KCNK13: variants seen among roughly 807,000 people sequenced by gnomAD.
The protein encoded by KCNK13 is potassium two pore domain channel subfamily K member 13.
A neutral mutation model predicts 23.4 loss-of-function variants in KCNK13; 12 were observed. The ratio of observed to expected loss-of-function variants is 0.51; its 90% CI spans 0.33 to 0.83. KCNK13 has a LOEUF of 0.83. KCNK13 is among the 40% of genes least tolerant of loss of function. The pLI, the probability that KCNK13 is intolerant of heterozygous loss-of-function variation, is 0.02. For missense variants in KCNK13, 463 were observed against 556.3 expected (o/e 0.83, Z 1.69); for synonymous variants, 231 against 229.5 (o/e 1.01, Z -0.06).
intron 1 of KCNK13, among the ~76,000 whole-genome samples, chr14:90,076,389 A>G (rs1449510434): frequency 1.3e-5 from 2 of 152,198 alleles, no homozygotes; most frequent in Non-Finnish European, 2.9e-5. Flanking sequence ...TTGCTCATAA[A>G]ACAGAAATTG....
chr14:90,184,350 C>A lies in KCNK13; in HGVS notation c.574C>A (p.Pro192Thr). The change falls in exon 2 of 2, where the codon CCC becomes ACC. Residue 192 changes from proline (P) to threonine (T), a missense_variant. Pro to Thr is a conservative substitution (Grantham distance 38, BLOSUM62 -1). Transcript: ENST00000282146. The surrounding 1 kb of genome is among the most constrained non-coding windows in gnomAD (Gnocchi z 5.6). ...CEVDSLAGWKPSVYYVMLILC... is the reference protein window; with the variant it reads ...CEVDSLAGWKTSVYYVMLILC... ...GGTGGACAGCCTGGCCGGCTGGAAG[C>A]CCTCCGTGTACTACGTCATGCTGAT... The A allele has an allele frequency of 6.2e-7, 1 of 1,614,262 alleles. No individual in the cohort carries two copies. Among genetic ancestry groups the A allele is most frequent in the Non-Finnish European group, 8.5e-7 (1 of 1,180,046 alleles).
chr14:90,166,511 G>C (rs539090744), intron 1 of KCNK13, among the ~76,000 whole-genome samples: 1 of 152,276 alleles, frequency 6.6e-6, no homozygotes, highest in Non-Finnish European at 1.5e-5. Flanking sequence ...TTCAAGACCA[G>C]CCTGGCCAAC....
chr14:90,184,067 A>G lies in KCNK13; in HGVS notation c.335-44A>G. 2.6e-6 allele frequency: 4 copies of G among 1,567,098 alleles called. No homozygotes were observed. Among genetic ancestry groups the G allele is most frequent in the Non-Finnish European group, 3.5e-6 (4 of 1,151,918 alleles). On this transcript the variant is annotated intron_variant, in intron 1 of 1. Transcript: ENST00000282146. This position sits in a 1 kb window ranked among gnomAD's most constrained non-coding sequence, Gnocchi z 5.6. The stretch of plus-strand genomic sequence containing the variant: ...AAGCCAAGACCTAGACCCCATTCAC[A>G]GCAAAGATTTCTCTTACTCTTCTCT...
At chr14:90,111,185 A>C (rs1023256250) in intron 1 of KCNK13, among the ~76,000 whole-genome samples, 2 of 152,148 alleles carry the variant, frequency 1.3e-5, no homozygotes, top group Non-Finnish European at 2.9e-5. Flanking sequence ...TTTGCAAAAC[A>C]AAGCTCTAGT....
intron 1 of KCNK13, among the ~76,000 whole-genome samples, chr14:90,108,703 G>A (rs1054112091): frequency 6.6e-6 from 1 of 152,236 alleles, no homozygotes; most frequent in African/African-American, 2.4e-5. Flanking sequence ...TGCAGAGGCT[G>A]TGGTCGTGTA....
chr14:90,109,409 C>CTTT lies in KCNK13; in HGVS notation c.334+46885_334+46887dup, dbSNP rs557644405. Among the ~76,000 whole-genome samples, 62 of 123,302 alleles carry CTTT rather than the reference C, an allele frequency of 5.0e-4. 1 individual carries two copies. Among genetic ancestry groups the CTTT allele is most frequent in the African/African-American group, 1.4e-3 (47 of 32,990 alleles). 80.9% of individuals were successfully genotyped at this position (123,302 alleles called of 152,430 possible). A position where few individuals can be genotyped will look rare whatever the true frequency, so the allele number is the denominator to read the frequency against. On this transcript the variant is annotated intron_variant, in intron 1 of 1. Coordinates refer to ENST00000282146, the MANE Select transcript of KCNK13 (RefSeq NM_022054.4). ...AGGATGCAGGACTTCCTTTTCTTTC[C>CTTT]TTTTTTTTTTTTTTTTTGAGGCGGA...
chr14:90,144,934 G>T (rs1023568197), intron 1 of KCNK13, among the ~76,000 whole-genome samples: 1 of 152,158 alleles, frequency 6.6e-6, no homozygotes, highest in South Asian at 2.1e-4. Flanking sequence ...TAGCGGTAGG[G>T]TTTTTGTATT....
At chr14:90,181,491 CAA>C (rs1890485461) in intron 1 of KCNK13, among the ~76,000 whole-genome samples, 1 of 152,172 alleles carries the variant, frequency 6.6e-6, no homozygotes, top group Non-Finnish European at 1.5e-5. Context: ...TCACCTCTCG[CAA>C]AGACACCACC....
At chr14:90,107,307 A>G (rs974590083) in intron 1 of KCNK13, among the ~76,000 whole-genome samples, 36 of 152,046 alleles carry the variant, frequency 2.4e-4, no homozygotes, top group East Asian at 9.7e-4. Context: ...GTGAAACCCC[A>G]TCTCTACTAA....
intron 1 of KCNK13, among the ~76,000 whole-genome samples, chr14:90,113,496 G>A (rs1165037439): frequency 6.6e-6 from 1 of 152,182 alleles, no homozygotes; most frequent in African/African-American, 2.4e-5. Flanking sequence ...TCTTCAATTG[G>A]ATCCTGGAGC....
intron 1 of KCNK13, among the ~76,000 whole-genome samples, chr14:90,114,193 T>G (rs992937440): frequency 1.3e-5 from 2 of 152,158 alleles, no homozygotes; most frequent in Non-Finnish European, 2.9e-5. Flanking sequence ...GCATCATAGT[T>G]GTTGCTGCCC....
At position 90,062,313 on chromosome 14, in the gene KCNK13, C is replaced by T. The variant is rs898982775; in HGVS notation, c.108C>T (p.Ala36=). Residue 36 remains alanine (A), a synonymous_variant, in exon 1 of 2, where the codon GCC becomes GCT. Transcript: ENST00000282146. The surrounding 1 kb of genome is among the most constrained non-coding windows in gnomAD (Gnocchi z 4.5). ...LIVLYLLGGA[A]VFSALELAHE... Reference sequence around the variant, plus strand: ...TGCTCTACCTGCTGGGCGGCGCCGCCGTCTTCTCCGCGCTGGAGCTGGCGC... The same window carrying T: ...TGCTCTACCTGCTGGGCGGCGCCGCTGTCTTCTCCGCGCTGGAGCTGGCGC... 2 of 1,555,710 alleles carry T rather than the reference C, an allele frequency of 1.3e-6. No homozygotes were observed. The highest frequency in any genetic ancestry group is 1.2e-5 in the South Asian group (1 of 85,046).
intron 1 of KCNK13, among the ~76,000 whole-genome samples, chr14:90,137,999 C>G (rs895030670): frequency 5.3e-5 from 8 of 152,148 alleles, no homozygotes; most frequent in African/African-American, 1.9e-4. Context: ...TGATTATTCA[C>G]CCGTTGGCAT....
intron 1 of KCNK13, among the ~76,000 whole-genome samples, chr14:90,090,097 A>G (rs1010763449): frequency 2.0e-5 from 3 of 152,230 alleles, no homozygotes; most frequent in Non-Finnish European, 4.4e-5. Context: ...CAGAGCTGTA[A>G]GAAGAAAGCC....
chr14:90,129,932 G>A (rs552325083), intron 1 of KCNK13, among the ~76,000 whole-genome samples: 36 of 152,176 alleles, frequency 2.4e-4, no homozygotes, highest in Non-Finnish European at 4.0e-4. Flanking sequence ...GGGAGAGCCC[G>A]ATGGTGTAGT....
intron 1 of KCNK13, among the ~76,000 whole-genome samples, chr14:90,173,497 A>G (rs566971713): frequency 2.0e-5 from 3 of 152,362 alleles, no homozygotes; most frequent in African/African-American, 7.2e-5. Context: ...TGTATCCAAG[A>G]GAAATATGTA....
At chr14:90,114,841 G>C (rs1171534182) in intron 1 of KCNK13, among the ~76,000 whole-genome samples, 1 of 152,166 alleles carries the variant, frequency 6.6e-6, no homozygotes, top group Non-Finnish European at 1.5e-5. Context: ...TTCATTGCTA[G>C]TTGAGCATTG....
intron 1 of KCNK13, among the ~76,000 whole-genome samples, chr14:90,112,133 C>G (rs74407163): frequency 2.8e-3 from 422 of 152,326 alleles, no homozygotes; most frequent in African/African-American, 9.6e-3. Flanking sequence ...CTGCTCTGCT[C>G]GTTCTCCTTG....
intron 1 of KCNK13, among the ~76,000 whole-genome samples, chr14:90,080,015 A>G (rs1460812734): frequency 6.6e-6 from 1 of 152,236 alleles, no homozygotes; most frequent in African/African-American, 2.4e-5. Context: ...CCCTGGACAC[A>G]CACTAGTGAG....
Sources: gnomAD v4.1 joint callset for allele counts (sites outside exome capture counted in the v4.1 genomes callset) on GRCh38, gnomAD v4.1.1 for gene constraint, Gnocchi (gnomAD v3.1) non-coding constraint, MANE v1.5 for transcripts, NCBI Gene and HGNC (gene_info 2026-07-23, HGNC 2026-07-21) for gene names.